Variants in NDUFB3 observed in about 807,000 individuals in gnomAD.
NDUFB3 encodes the protein NADH dehydrogenase [ubiquinone] 1 beta subcomplex subunit 3.
NDUFB3 carries 7 observed loss-of-function variants against 9.0 expected under a neutral mutation model. That is an observed-to-expected ratio of 0.78 (90% CI 0.44 to 1.46). The LOEUF (loss-of-function observed/expected upper bound fraction) is 1.46. NDUFB3 is among the 40% of genes most tolerant of loss of function. NDUFB3 has a pLI of 0.01. For synonymous variants in NDUFB3, 29 were observed against 38.5 expected (o/e 0.75, Z 0.91); for missense variants, 93 against 115.4 (o/e 0.81, Z 0.89).
chr2:201,073,342 T>G (rs1005154405), intron 1 of NDUFB3, among the ~76,000 whole-genome samples: 4 of 152,244 alleles, frequency 2.6e-5, no homozygotes, highest in African/African-American at 9.6e-5. Flanking sequence ...ATCACACTTT[T>G]GCATGTAGTT....
At chr2:201,081,759 C>T (rs2047225500) in intron 2 of NDUFB3, among the ~76,000 whole-genome samples, 1 of 151,632 alleles carries the variant, frequency 6.6e-6, no homozygotes, top group South Asian at 2.1e-4. Flanking sequence ...AGCAATTCTC[C>T]TGCCTCAGCC....
chr2:201,083,351 C>CTTTT (rs748310803), intron 2 of NDUFB3, among the ~76,000 whole-genome samples: 16 of 119,972 alleles, frequency 1.3e-4, no homozygotes, highest in South Asian at 2.7e-4. Flanking sequence ...TTTATTATTT[C>CTTTT]TTTTTTTTTT....
Position 201,078,864 on chromosome 2 carries a change from T to C in NDUFB3, c.-2-17T>C, listed in dbSNP as rs1251172736. The stretch of plus-strand genomic sequence containing the variant: ...CAATTTGCATATTTCTCACTTGTGT[T>C]AATCTTTTCCTTACAGACATGGCCC... On this transcript the variant is annotated splice_polypyrimidine_tract_variant and intron_variant, in intron 1 of 2. Transcript: ENST00000237889. The C allele has an allele frequency of 1.3e-6, 2 of 1,598,578 alleles. No homozygotes were observed. The highest frequency in any genetic ancestry group is 2.7e-5 in the African/African-American group (2 of 74,072).
At chr2:201,080,945 C>T (rs1164995627) in intron 2 of NDUFB3, among the ~76,000 whole-genome samples, 1 of 151,632 alleles carries the variant, frequency 6.6e-6, no homozygotes, top group East Asian at 2.0e-4. Context: ...CCTCATGATC[C>T]ACCCGCCTCA....
chr2:201,082,275 T>G (rs1048115807), intron 2 of NDUFB3, among the ~76,000 whole-genome samples: 5 of 151,878 alleles, frequency 3.3e-5, no homozygotes, highest in African/African-American at 1.2e-4. Flanking sequence ...TTTGTTTGTT[T>G]GTTTGTTTTG....
intron 1 of NDUFB3, among the ~76,000 whole-genome samples, chr2:201,074,491 C>G (rs2047138084): frequency 7.3e-6 from 1 of 137,750 alleles, no homozygotes; most frequent in Admixed American, 7.5e-5. Flanking sequence ...GAATCTCACT[C>G]TGTCACCCAG....
At position 201,076,512 on chromosome 2, in the gene NDUFB3, T is replaced by TATATATATATATATATATATATATAA. The variant is rs1250913348; in HGVS notation, c.-2-2368_-2-2367insTATATATATATATATATATATATAAA. Among the ~76,000 whole-genome samples, 95 of 134,390 alleles carry TATATATATATATATATATATATATAA rather than the reference T, an allele frequency of 7.1e-4. 2 individuals are homozygous for TATATATATATATATATATATATATAA. The highest frequency in any genetic ancestry group is 2.6e-3 in the African/African-American group (92 of 35,498). 88.2% of individuals were successfully genotyped at this position (134,390 alleles called of 152,430 possible). On this transcript the variant is annotated intron_variant, in intron 1 of 2. Coordinates refer to ENST00000237889, the MANE Select transcript of NDUFB3 (RefSeq NM_002491.3). ...ATATATATATATATATATATATATA[T>TATATATATATATATATATATATATAA]AATTAAATGTGAAAATCATCAACAT... is the stretch of plus-strand genomic sequence containing the variant.
At chr2:201,078,195 G>T (rs533946191) in intron 1 of NDUFB3, among the ~76,000 whole-genome samples, 1 of 152,202 alleles carries the variant, frequency 6.6e-6, no homozygotes, top group African/African-American at 2.4e-5. Context: ...CCAGCTACTC[G>T]CCAGGCTGAG....
At chr2:201,076,772 T>A (rs749281425) in intron 1 of NDUFB3, among the ~76,000 whole-genome samples, 19 of 151,946 alleles carry the variant, frequency 1.3e-4, no homozygotes, top group Admixed American at 3.3e-4. Flanking sequence ...ATACACTTTT[T>A]AATAATTACC....
intron 1 of NDUFB3, chr2:201,072,425 GA>G (rs376722334): frequency 2.0e-5 from 3 of 152,148 alleles, no homozygotes; most frequent in African/African-American, 7.2e-5. Context: ...TTAATACGAG[GA>G]AGTTAAGATA....
intron 2 of NDUFB3, among the ~76,000 whole-genome samples, chr2:201,079,298 C>T (rs940661476): frequency 4.6e-5 from 7 of 152,122 alleles, no homozygotes; most frequent in African/African-American, 1.7e-4. Flanking sequence ...GCACGCGCCA[C>T]CAAGCCCAGC....
intron 1 of NDUFB3, among the ~76,000 whole-genome samples, chr2:201,077,787 C>G (rs2047180439): frequency 2.0e-5 from 3 of 152,114 alleles, no homozygotes; most frequent in Admixed American, 2.0e-4. Context: ...TATAAATGTA[C>G]CTACATAATT....
chr2:201,072,882 CA>C (rs552034637), intron 1 of NDUFB3, among the ~76,000 whole-genome samples: 103 of 152,156 alleles, frequency 6.8e-4, no homozygotes, highest in African/African-American at 2.5e-3. Context: ...GCAGTCTTAA[CA>C]GGGGTGATTT....
chr2:201,073,858 T>G (rs1307302597), intron 1 of NDUFB3, among the ~76,000 whole-genome samples: 2 of 152,180 alleles, frequency 1.3e-5, no homozygotes, highest in Non-Finnish European at 2.9e-5. Context: ...TCCATAAATA[T>G]AAACCTTTGA....
chr2:201,073,198 T>G (rs1323419695), intron 1 of NDUFB3, among the ~76,000 whole-genome samples: 2 of 152,226 alleles, frequency 1.3e-5, no homozygotes, highest in Non-Finnish European at 2.9e-5. Context: ...TTGTTTTACT[T>G]TAATTTTTCC....
chr2:201,074,690 A>G (rs778747838), intron 1 of NDUFB3, among the ~76,000 whole-genome samples: 49 of 152,090 alleles, frequency 3.2e-4, no homozygotes, highest in Non-Finnish European at 5.4e-4. Context: ...TCCTGGCCTC[A>G]AGTGATCCAC....
chr2:201,073,388 A>G (rs563688887), intron 1 of NDUFB3, among the ~76,000 whole-genome samples: 2 of 152,320 alleles, frequency 1.3e-5, no homozygotes, highest in South Asian at 4.1e-4. Flanking sequence ...TGACTATACC[A>G]TAATCCCTTC....
intron 1 of NDUFB3, among the ~76,000 whole-genome samples, chr2:201,073,294 C>T (rs1459866716): frequency 2.6e-5 from 4 of 152,154 alleles, no homozygotes; most frequent in African/African-American, 4.8e-5. Context: ...TTTTTTCTGA[C>T]TCACCCCTTG....
intron 2 of NDUFB3, among the ~76,000 whole-genome samples, chr2:201,081,629 GAATT>G (rs1242752597): frequency 6.6e-6 from 1 of 150,996 alleles, no homozygotes; most frequent in Non-Finnish European, 1.5e-5. Context: ...AATTTATACT[GAATT>G]AATTATTTAT....
Sources: gnomAD v4.1 joint callset for allele counts (sites outside exome capture counted in the v4.1 genomes callset) on GRCh38, gnomAD v4.1.1 for gene constraint, MANE v1.5 for transcripts, NCBI Gene and HGNC (gene_info 2026-07-23, HGNC 2026-07-21) for gene names.